Variants in SEC22B observed in about 807,000 individuals in gnomAD.
The protein encoded by SEC22B is vesicle-trafficking protein SEC22b.
A neutral mutation model predicts 31.4 loss-of-function variants in SEC22B; 10 were observed. That is an observed-to-expected ratio of 0.32 (90% CI 0.20 to 0.54). SEC22B has a LOEUF of 0.54. Among genes scored for constraint, SEC22B ranks in the 20% least tolerant of loss-of-function variants. The probability of loss-of-function intolerance (pLI) is 0.94; values close to 1 mark genes in which losing one functional copy is unlikely to be tolerated. For synonymous variants in SEC22B, 60 were observed against 95.9 expected, an observed-to-expected ratio of 0.63 and a Z score of 2.19; for missense variants, 130 against 263.4, an observed-to-expected ratio of 0.49 and a Z score of 3.50.
At chr1:120,176,189 G>T in intron 1 of SEC22B, 118 bp downstream of exon 1, 3 of 832,872 alleles carry the variant, frequency 3.6e-6, no homozygotes, top group African/African-American at 1.7e-5. Context: ...GCACTTCAGA[G>T]AGGTCGGGAG....
Position 120,153,877 on chromosome 1 carries a change from C to T in SEC22B, c.*3161G>A, listed in dbSNP as rs1570863464. On this transcript the variant is annotated 3_prime_UTR_variant, in exon 5 of 5. Coordinates refer to ENST00000578049, the MANE Select transcript of SEC22B (RefSeq NM_004892.6). ...GGAACATTTTTCTAGAGTAATGGCA[C>T]ATACCTTTCATCAGATTTTCAAAGG... 1 of 150,154 alleles carries T rather than the reference C, an allele frequency of 6.7e-6. No individual in the cohort carries two copies. The highest frequency in any genetic ancestry group is 2.5e-5 in the African/African-American group (1 of 40,246). 9.3% of individuals were successfully genotyped at this position (150,154 alleles called of 1,614,324 possible).
At position 120,176,372 on chromosome 1, in the gene SEC22B, G is replaced by C; in HGVS notation, c.10C>G (p.Leu4Val). The change falls in exon 1 of 5, where the codon CTA becomes GTA. Residue 4 changes from leucine to valine, a missense_variant. Transcript: ENST00000578049. The part of the protein sequence containing the change: MVL[L>V]TMIARVADGL... ...TCCGCCACTCGGGCGATCATTGTTA[G>C]CAACACCATCTTCACAAACTACAGG... is the stretch of plus-strand genomic sequence containing the variant. 1.2e-6 allele frequency: 2 copies of C among 1,613,798 alleles called. No individual in the cohort carries two copies. The highest frequency in any genetic ancestry group is 1.7e-6 in the Non-Finnish European group (2 of 1,179,850).
chr1:120,175,576 CTTTCT>C (rs1281226845), intron 1 of SEC22B, among the ~76,000 whole-genome samples: 2 of 152,174 alleles, frequency 1.3e-5, no homozygotes, highest in African/African-American at 2.4e-5. Context: ...CACAAAACAT[CTTTCT>C]TTTAAGACAT....
chr1:120,155,767 AT>A lies in SEC22B; in HGVS notation c.*1270del, dbSNP rs1657619942. 6.6e-6 allele frequency: 1 copy of A among 152,122 alleles called. No individual in the cohort carries two copies. The highest frequency in any genetic ancestry group is 2.1e-4 in the South Asian group (1 of 4,830). 9.4% of individuals were successfully genotyped at this position (152,122 alleles called of 1,614,324 possible). ...AATATTTAAAAGGCCTATTTTCCCC[AT>A]TAAAAAATTCTACCTCAGAAGGTAA... is the stretch of plus-strand genomic sequence containing the variant. On this transcript the variant is annotated 3_prime_UTR_variant, in exon 5 of 5. Coordinates refer to ENST00000578049, the MANE Select transcript of SEC22B (RefSeq NM_004892.6).
rs1484178370 is a variant in SEC22B at position 120,152,272 on chromosome 1, G to A, written c.*4766C>T. ...AACATATGCAGACTAAAATGAAAGA[G>A]TATAGTATATTATAAAATCAATAAA... On this transcript the variant is annotated 3_prime_UTR_variant, in exon 5 of 5. Coordinates refer to ENST00000578049, the MANE Select transcript of SEC22B (RefSeq NM_004892.6). 3 of 150,414 alleles carry A rather than the reference G, an allele frequency of 2.0e-5. No individual in the cohort carries two copies. Among genetic ancestry groups the A allele is most frequent in the Non-Finnish European group, 4.4e-5 (3 of 67,774 alleles). 9.3% of individuals were successfully genotyped at this position (150,414 alleles called of 1,614,324 possible).
rs1397486673 is a variant in SEC22B at position 120,168,855 on chromosome 1, C to G, written c.170G>C (p.Gly57Ala). 8.8e-6 allele frequency: 12 copies of G among 1,366,640 alleles called. No homozygotes were observed. The highest frequency in any genetic ancestry group is 1.1e-5 in the Non-Finnish European group (12 of 1,044,626). The allele number at this position is 1,366,640 out of a possible 1,614,324, so 84.7% of individuals were successfully genotyped here. The part of the protein sequence containing the change: ...QSPTRCTLEA[G>A]AMTFHYIIEQ... ...TTACACTCACTGAAAAGTCATGGCT[C>G]CTGCTTCCAAGGTACATCTGGTAGG... Residue 57 changes from glycine to alanine, a missense_variant, in exon 2 of 5, where the codon GGA (glycine) becomes GCA (alanine). By Grantham distance (60) the Gly-to-Ala change is moderately conservative. Coordinates refer to ENST00000578049, the MANE Select transcript of SEC22B (RefSeq NM_004892.6).
chr1:120,170,746 CATATT>C (rs1270268832), intron 1 of SEC22B, among the ~76,000 whole-genome samples: 1 of 146,402 alleles, frequency 6.8e-6, no homozygotes, highest in Non-Finnish European at 1.5e-5. Flanking sequence ...TCAAAATTAT[CATATT>C]AAACAGTACT....
intron 2 of SEC22B, among the ~76,000 whole-genome samples, chr1:120,165,384 C>T (rs1188841702): frequency 0.24 from 35,876 of 151,968 alleles, 6,894 homozygotes; most frequent in African/African-American, 0.54. Context: ...TGATGATGAG[C>T]GCCCATGCAC....
chr1:120,173,092 G>A (rs1448112681), intron 1 of SEC22B, among the ~76,000 whole-genome samples: 3 of 140,322 alleles, frequency 2.1e-5, no homozygotes, highest in Admixed American at 7.1e-5. Context: ...AAGACCAGCA[G>A]CACCAAGAAC....
intron 2 of SEC22B, among the ~76,000 whole-genome samples, chr1:120,167,839 C>T (rs2101130914): frequency 6.6e-6 from 1 of 152,250 alleles, no homozygotes; most frequent in South Asian, 2.1e-4. Flanking sequence ...TTTCCTAGGT[C>T]TTGGTTCTCT....
intron 1 of SEC22B, among the ~76,000 whole-genome samples, chr1:120,175,550 C>T (rs1294243252): frequency 6.6e-6 from 1 of 152,082 alleles, no homozygotes; most frequent in Non-Finnish European, 1.5e-5. Context: ...CAGAAATTTC[C>T]ACTGTGTTTC....
chr1:120,161,810 T>C (rs1657722969), intron 3 of SEC22B, among the ~76,000 whole-genome samples: 1 of 151,624 alleles, frequency 6.6e-6, no homozygotes, highest in South Asian at 2.1e-4. Flanking sequence ...TTTTCAACTT[T>C]TGGCAAAAAT....
chr1:120,176,436 C>G lies in SEC22B; in HGVS notation c.-55G>C. 2 of 1,502,808 alleles carry G rather than the reference C, an allele frequency of 1.3e-6. No homozygotes were observed. The highest frequency in any genetic ancestry group is 1.8e-6 in the Non-Finnish European group (2 of 1,084,132). The allele number at this position is 1,502,808 out of a possible 1,614,324, so 93.1% of individuals were successfully genotyped here. On this transcript the variant is annotated 5_prime_UTR_variant, in exon 1 of 5. Coordinates refer to ENST00000578049, the MANE Select transcript of SEC22B (RefSeq NM_004892.6). ...CCCGGAAGGCCCTTGGCGCCGTCCTCACTTCCTCCGCCGCGACAACAGTTA... is the reference window on the plus strand; with the variant it reads ...CCCGGAAGGCCCTTGGCGCCGTCCTGACTTCCTCCGCCGCGACAACAGTTA...
At position 120,176,446 on chromosome 1, in the gene SEC22B, G is replaced by C; in HGVS notation, c.-65C>G. The C allele has an allele frequency of 7.0e-7, 1 of 1,429,442 alleles. No individual in the cohort carries two copies. The highest frequency in any genetic ancestry group is 9.8e-7 in the Non-Finnish European group (1 of 1,021,118). The allele number at this position is 1,429,442 out of a possible 1,614,324, so 88.5% of individuals were successfully genotyped here. ...CCTTGGCGCCGTCCTCACTTCCTCC[G>C]CCGCGACAACAGTTATACCCTATGT... On this transcript the variant is annotated 5_prime_UTR_variant, in exon 1 of 5. Transcript: ENST00000578049.
intron 1 of SEC22B, among the ~76,000 whole-genome samples, chr1:120,175,913 G>T (rs1430693653): frequency 6.6e-6 from 1 of 152,156 alleles, no homozygotes; most frequent in Non-Finnish European, 1.5e-5. Context: ...AGGATCAGGT[G>T]CCACGTTATA....
intron 1 of SEC22B, among the ~76,000 whole-genome samples, chr1:120,170,911 C>T (rs1170401404): frequency 1.5e-5 from 2 of 131,358 alleles, no homozygotes; most frequent in South Asian, 4.6e-4. Flanking sequence ...TCTGAACCCA[C>T]AAGAGTAGAT....
chr1:120,176,412 C>T lies in SEC22B; in HGVS notation c.-31G>A. 1 of 1,604,244 alleles carries T rather than the reference C, an allele frequency of 6.2e-7. No homozygotes were observed. ...CAAACTACAGGGATCCAACACTGGC[C>T]CGGAAGGCCCTTGGCGCCGTCCTCA... On this transcript the variant is annotated 5_prime_UTR_variant, in exon 1 of 5. Transcript: ENST00000578049.
intron 4 of SEC22B, chr1:120,157,777 T>G (rs1433035958): frequency 1.3e-5 from 2 of 151,234 alleles, no homozygotes; most frequent in Admixed American, 6.6e-5. Flanking sequence ...ACTGCTAACA[T>G]TTCTAAGATT....
rs2101127616 is a variant in SEC22B, at chr1:120,160,524, A to G, written c.353T>C (p.Phe118Ser). 1.9e-6 allele frequency: 3 copies of G among 1,578,668 alleles called. No individual in the cohort carries two copies. In the East Asian group the frequency reaches 6.8e-5, roughly 36 times the overall value. Residue 118 changes from phenylalanine to serine, a missense_variant, in exon 4 of 5, where the codon TTC (phenylalanine) becomes TCC (serine). Physicochemically the swap from Phe to Ser is radical, Grantham distance 155. This residue lies in a region of SEC22B where 41 missense variants were observed against 124.9 expected (regional missense o/e 0.33). Coordinates refer to ENST00000578049, the MANE Select transcript of SEC22B (RefSeq NM_004892.6). Reference sequence around the variant, plus strand: ...GTAGAGCTTCTTGGTTTTCTGAATGAAAGTATCTAGAATGATGAAGAAAAC... The same window carrying G: ...GTAGAGCTTCTTGGTTTTCTGAATGGAAGTATCTAGAATGATGAAGAAAAC... ...RPYSFIEFDT[F>S]IQKTKKLYID...
Sources: allele counts gnomAD v4.1 joint callset (sites outside exome capture counted in the v4.1 genomes callset), GRCh38; gene constraint gnomAD v4.1.1; regional missense constraint gnomAD v4.1.1; transcripts MANE v1.5; gene names NCBI Gene and HGNC (gene_info 2026-07-23, HGNC 2026-07-21).